Variants in BRD9 observed in about 807,000 individuals in gnomAD.
BRD9 encodes bromodomain-containing protein 9.
A neutral mutation model predicts 68.7 loss-of-function variants in BRD9; 47 were observed. The ratio of observed to expected loss-of-function variants is 0.68; its 90% CI spans 0.54 to 0.87. The LOEUF is 0.87. Ranked by LOEUF, BRD9 falls within the 40% of genes least tolerant of loss-of-function variation. BRD9 has a pLI of 0.00. For synonymous variants in BRD9, 313 were observed against 293.9 expected, an observed-to-expected ratio of 1.06 and a Z score of -0.67; for missense variants, 670 against 748.4, an observed-to-expected ratio of 0.90 and a Z score of 1.22.
At chr5:871,404 A>G (rs1750108687) in intron 13 of BRD9, 122 bp downstream of exon 13, 3 of 863,354 alleles carry the variant, frequency 3.5e-6, no homozygotes, top group Non-Finnish European at 5.9e-6. Context: ...GATCTTACTG[A>G]TCAGAAACGG....
chr5:886,552 T>A, intron 7 of BRD9, 40 bp downstream of exon 7: 1 of 1,577,082 alleles, frequency 6.3e-7, no homozygotes, highest in Non-Finnish European at 8.7e-7. Flanking sequence ...GCTATGGTGC[T>A]CAACTCCAAA....
chr5:877,108 A>G (rs1033772156), intron 11 of BRD9, among the ~76,000 whole-genome samples: 1 of 152,206 alleles, frequency 6.6e-6, no homozygotes, highest in Non-Finnish European at 1.5e-5. Flanking sequence ...AGGGACAGAC[A>G]GCTGGGGAAG....
At chr5:886,943 G>A (rs770299238) in intron 6 of BRD9, 50 of 618,704 alleles carry the variant, frequency 8.1e-5, no homozygotes, top group Non-Finnish European at 9.1e-5. Context: ...AGCGCGGCAG[G>A]TGCCGCACCT....
At position 865,417 on chromosome 5, in the gene BRD9, G is replaced by C; in HGVS notation, c.1690C>G (p.Leu564Val). 6.3e-7 allele frequency: 1 copy of C among 1,575,754 alleles called. No homozygotes were observed. The highest frequency in any genetic ancestry group is 8.6e-7 in the Non-Finnish European group (1 of 1,157,088). The change falls in exon 15 of 16, where the codon CTG becomes GTG. Residue 564 changes from leucine (L) to valine (V), a missense_variant. By Grantham distance (32) the Leu-to-Val change is conservative. Transcript: ENST00000467963. Reference protein sequence around the residue: ...SNASERDQHHLGSPSRLSVGE... With the variant: ...SNASERDQHHVGSPSRLSVGE... ...GGCGTGGGTGGGGGCATCTCACCCA[G>C]GTGGTGCTGGTCCCTCTCGGAGGCG...
rs566382966 is a variant in BRD9, at chr5:886,937, C to T, written c.718-230G>A. The T allele has an allele frequency of 4.6e-5, 30 of 645,344 alleles. 1 individual carries two copies. Among genetic ancestry groups the T allele is most frequent in the South Asian group, 4.6e-4 (24 of 51,692 alleles). 40.0% of individuals were successfully genotyped at this position (645,344 alleles called of 1,614,324 possible). ...GGGGGCTTGACCCACCGCCAGAGCG[C>T]GGCAGGTGCCGCACCTCCCCTTTAC... On this transcript the variant is annotated intron_variant, in intron 6 of 15. Coordinates refer to ENST00000467963, the MANE Select transcript of BRD9 (RefSeq NM_023924.5).
In BRD9 at chr5:864,571, G is replaced by T. The variant is rs780561168; in HGVS notation, c.1694-3C>A. 3 of 1,612,846 alleles carry T rather than the reference G, an allele frequency of 1.9e-6. No individual in the cohort carries two copies. Among genetic ancestry groups the T allele is most frequent in the Non-Finnish European group, 2.5e-6 (3 of 1,179,294 alleles). ...GACACTCAGGCGAGAAGGGCTTCCT[G>T]CAATTTTCAGAACACAGGACTTCAA... On this transcript the variant is annotated splice_polypyrimidine_tract_variant and splice_region_variant and intron_variant, in intron 15 of 15. Coordinates refer to ENST00000467963, the MANE Select transcript of BRD9 (RefSeq NM_023924.5).
At chr5:864,957 C>T (rs1749135091) in intron 15 of BRD9, among the ~76,000 whole-genome samples, 1 of 152,192 alleles carries the variant, frequency 6.6e-6, no homozygotes, top group African/African-American at 2.4e-5. Context: ...ATCGAAAATA[C>T]CGGCCTTTTT....
intron 14 of BRD9, among the ~76,000 whole-genome samples, chr5:867,902 G>A (rs1007229906): frequency 6.6e-6 from 1 of 152,240 alleles, no homozygotes; most frequent in Non-Finnish European, 1.5e-5. Flanking sequence ...AGGCATGATT[G>A]TGTTTTGAAA....
intron 11 of BRD9, 135 bp from the exon 12 acceptor site, chr5:876,347 T>A (rs744587): frequency 1.6e-6 from 1 of 615,568 alleles, no homozygotes; most frequent in African/African-American, 1.8e-5. Context: ...GGGTATTTTG[T>A]GGGGAGTGGC....
At position 892,326 on chromosome 5, in the gene BRD9, A is replaced by C. The variant is rs1332147102; in HGVS notation, c.52+280T>G. The C allele has an allele frequency of 7.7e-6, 5 of 645,776 alleles. No individual in the cohort carries two copies. The East Asian group carries it at 1.7e-4, about 22-fold the overall frequency. The allele number at this position is 645,776 out of a possible 1,614,324, so 40.0% of individuals were successfully genotyped here. ...CAGCTTCTCCCTGAGCTCCACACAAAAGCCAGCACAGATGCTTCCCTAGTC... is the reference window on the plus strand; with the variant it reads ...CAGCTTCTCCCTGAGCTCCACACAACAGCCAGCACAGATGCTTCCCTAGTC... On this transcript the variant is annotated intron_variant, in intron 1 of 15. Transcript: ENST00000467963.
At chr5:884,491 C>T in intron 7 of BRD9, among the ~76,000 whole-genome samples, 1 of 152,238 alleles carries the variant, frequency 6.6e-6, no homozygotes, top group East Asian at 1.9e-4. Flanking sequence ...TCTGGTGCTG[C>T]TGGGCTGGGT....
At chr5:877,318 T>C (rs1018260154) in intron 11 of BRD9, among the ~76,000 whole-genome samples, 1 of 152,238 alleles carries the variant, frequency 6.6e-6, no homozygotes, top group Admixed American at 6.5e-5. Context: ...CAAACAACTC[T>C]TTAATTTCTG....
chr5:866,925 T>C (rs889870196), intron 14 of BRD9, among the ~76,000 whole-genome samples: 4 of 152,162 alleles, frequency 2.6e-5, no homozygotes, highest in African/African-American at 9.7e-5. Context: ...TGGGGAGGAA[T>C]TCAAGAAGGC....
At chr5:881,281 A>C (rs1399100935) in intron 8 of BRD9, 99 bp from the exon 9 acceptor site, 33 of 1,162,716 alleles carry the variant, frequency 2.8e-5, no homozygotes, top group Non-Finnish European at 3.2e-5. Context: ...GGGTGAAAGC[A>C]CATTTGTCCA....
chr5:881,056 C>T, intron 9 of BRD9, 51 bp downstream of exon 9: 1 of 1,571,252 alleles, frequency 6.4e-7, no homozygotes, highest in South Asian at 1.1e-5. Flanking sequence ...CAACGGAGGC[C>T]CAAAAAGCAG....
In BRD9 at chr5:891,857, GCA is replaced by G; in HGVS notation, c.53-5_53-4del. 6.4e-7 allele frequency: 1 copy of G among 1,550,990 alleles called. No individual in the cohort carries two copies. Among genetic ancestry groups the G allele is most frequent in the Non-Finnish European group, 8.7e-7 (1 of 1,146,970 alleles). On this transcript the variant is annotated splice_region_variant and splice_polypyrimidine_tract_variant and intron_variant, in intron 1 of 15. Coordinates refer to ENST00000467963, the MANE Select transcript of BRD9 (RefSeq NM_023924.5). ...CTCCAGGGGCTTGTCGGCATAATCT[GCA>G]CAGACACAGACCGAGTTCTACCCGC...
intron 12 of BRD9, among the ~76,000 whole-genome samples, chr5:875,891 T>TA (rs927801140): frequency 1.3e-5 from 2 of 152,152 alleles, no homozygotes; most frequent in African/African-American, 4.8e-5. Context: ...AATAGAGAGT[T>TA]ACGAGTGCGC....
chr5:869,837 T>C (rs535198111), intron 14 of BRD9, among the ~76,000 whole-genome samples: 1 of 152,356 alleles, frequency 6.6e-6, no homozygotes, highest in South Asian at 2.1e-4. Flanking sequence ...ATGTACTGAC[T>C]GATGTCCTCT....
chr5:891,606 G>T, intron 2 of BRD9, 34 bp downstream of exon 2: 1 of 1,545,872 alleles, frequency 6.5e-7, no homozygotes. Flanking sequence ...GCTCCTCGTG[G>T]GCAGCGTCCG....
Sources: gnomAD v4.1 joint callset for allele counts (sites outside exome capture counted in the v4.1 genomes callset) on GRCh38, gnomAD v4.1.1 for gene constraint, MANE v1.5 for transcripts, NCBI Gene and HGNC (gene_info 2026-07-23, HGNC 2026-07-21) for gene names.